Variants in KCNN2 observed in about 807,000 individuals in gnomAD.
KCNN2 encodes the protein potassium calcium-activated channel subfamily N member 2, also known as small conductance calcium-activated potassium channel protein 2.
In KCNN2, 24 loss-of-function variants were observed where a neutral mutation model predicts 55.5. The ratio of observed to expected loss-of-function variants is 0.43; its 90% CI spans 0.31 to 0.61. KCNN2 has a LOEUF of 0.61. Among genes scored for constraint, KCNN2 ranks in the 20% least tolerant of loss-of-function variants. The pLI is 0.08. For synonymous variants in KCNN2, 431 were observed against 336.1 expected, an observed-to-expected ratio of 1.28 and a Z score of -3.09; for missense variants, 754 against 853.6, an observed-to-expected ratio of 0.88 and a Z score of 1.45.
At position 114,189,101 on chromosome 5, in the gene KCNN2, T is replaced by C. The variant is rs896809867; in HGVS notation, c.-270-32379T>C. Among the ~76,000 whole-genome samples, 4 of 151,948 alleles carry C rather than the reference T, an allele frequency of 2.6e-5. No individual in the cohort carries two copies. The East Asian group carries it at 5.8e-4, about 22-fold the overall frequency. On this transcript the variant is annotated intron_variant, in intron 1 of 10. Coordinates refer to the KCNN2 transcript ENST00000512097. Reference sequence around the variant, plus strand: ...TAGAAAAACATATACTAATAACGGCTGTACTAGGTTCTTCAGAGAAATAGA... The same window carrying C: ...TAGAAAAACATATACTAATAACGGCCGTACTAGGTTCTTCAGAGAAATAGA...
At chr5:114,171,300 A>C (rs1753028193) in intron 1 of KCNN2, among the ~76,000 whole-genome samples, 1 of 152,004 alleles carries the variant, frequency 6.6e-6, no homozygotes, top group African/African-American at 2.4e-5. Flanking sequence ...TCTCTTAAAT[A>C]TGACACATAC....
chr5:114,419,714 T>A (rs993695348), intron 3 of KCNN2, among the ~76,000 whole-genome samples: 4 of 152,226 alleles, frequency 2.6e-5, no homozygotes, highest in African/African-American at 9.6e-5. Flanking sequence ...CTTATTGGCC[T>A]GTGCAGTGGC....
intron 2 of KCNN2, among the ~76,000 whole-genome samples, chr5:114,388,847 C>T (rs1337918670): frequency 6.6e-6 from 1 of 152,026 alleles, no homozygotes; most frequent in Non-Finnish European, 1.5e-5. Context: ...AGGAATATTT[C>T]TAAAATTTAG....
chr5:114,189,828 T>C (rs1435255432), intron 1 of KCNN2, among the ~76,000 whole-genome samples: 3 of 152,094 alleles, frequency 2.0e-5, no homozygotes, highest in Non-Finnish European at 2.9e-5. Flanking sequence ...GTGATAAAAA[T>C]AGCATTGCCA....
chr5:114,311,310 G>A (rs1402123601), intron 2 of KCNN2, among the ~76,000 whole-genome samples: 1 of 152,078 alleles, frequency 6.6e-6, no homozygotes, highest in Middle Eastern at 3.2e-3. Flanking sequence ...TTGTGTTGAT[G>A]AAGCTACTCT....
chr5:114,151,001 A>G (rs886502648), intron 1 of KCNN2, among the ~76,000 whole-genome samples: 1 of 152,204 alleles, frequency 6.6e-6, no homozygotes, highest in African/African-American at 2.4e-5. Context: ...AGCCTGGGCA[A>G]CAAGAGTGAA....
intron 3 of KCNN2, among the ~76,000 whole-genome samples, chr5:114,406,136 A>AC (rs956672143): frequency 1.3e-5 from 2 of 148,582 alleles, no homozygotes; most frequent in East Asian, 2.0e-4. Flanking sequence ...AACCCTGACC[A>AC]CCCCCCAGCC....
chr5:114,251,823 T>C (rs1292319184), intron 2 of KCNN2, among the ~76,000 whole-genome samples: 1 of 151,918 alleles, frequency 6.6e-6, no homozygotes, highest in Non-Finnish European at 1.5e-5. Context: ...TAGAATAATA[T>C]TGTAATATAG....
At chr5:114,337,452 AT>A (rs1300214519) in intron 2 of KCNN2, among the ~76,000 whole-genome samples, 1 of 152,222 alleles carries the variant, frequency 6.6e-6, no homozygotes, top group African/African-American at 2.4e-5. Context: ...ACAGTACAAC[AT>A]TTTGACATAT....
chr5:114,142,047 G>A (rs1752293473), intron 1 of KCNN2, among the ~76,000 whole-genome samples: 2 of 152,264 alleles, frequency 1.3e-5, no homozygotes, highest in South Asian at 4.1e-4. Flanking sequence ...TGTCAGATGA[G>A]TAGATTGCAA....
At position 114,362,390 on chromosome 5, in the gene KCNN2, A is replaced by G; in HGVS notation, c.251A>G (p.Asp84Gly). The G allele has an allele frequency of 4.6e-6, 1 of 218,424 alleles. No homozygotes were observed. The highest frequency in any genetic ancestry group is 9.0e-6 in the Non-Finnish European group (1 of 111,638). 13.5% of individuals were successfully genotyped at this position (218,424 alleles called of 1,614,324 possible). A position where few individuals can be genotyped will look rare whatever the true frequency, so the allele number is the denominator to read the frequency against. Reference sequence around the variant, plus strand: ...GGTGCCCCGGCGGCGGGGGCGGGAGATAACCTGTCCCTGCTGCTCCGCACC... The same window carrying G: ...GGTGCCCCGGCGGCGGGGGCGGGAGGTAACCTGTCCCTGCTGCTCCGCACC... ...SSGAPAAGAG[D>G]NLSLLLRTSS... Residue 84 changes from aspartate to glycine, a missense_variant, in exon 1 of 8, where the codon GAT becomes GGT. Transcript: ENST00000673685.
chr5:114,212,555 T>A (rs982241663), intron 1 of KCNN2, among the ~76,000 whole-genome samples: 3 of 152,000 alleles, frequency 2.0e-5, no homozygotes, highest in Non-Finnish European at 4.4e-5. Flanking sequence ...TTATAAAAAG[T>A]TTTTAATAAA....
chr5:114,365,500 T>C (rs947238342), intron 2 of KCNN2, among the ~76,000 whole-genome samples: 1 of 152,066 alleles, frequency 6.6e-6, no homozygotes, highest in Non-Finnish European at 1.5e-5. Flanking sequence ...ACAAAATAGG[T>C]TTAATGGTCC....
At chr5:114,413,785 A>G (rs1336594574) in intron 3 of KCNN2, among the ~76,000 whole-genome samples, 2 of 152,320 alleles carry the variant, frequency 1.3e-5, no homozygotes, top group East Asian at 3.9e-4. Flanking sequence ...CCAGTTCATT[A>G]TGGTCCTCCT....
chr5:114,098,942 C>A (rs577293003), intron 1 of KCNN2, among the ~76,000 whole-genome samples: 6 of 152,198 alleles, frequency 3.9e-5, no homozygotes, highest in Non-Finnish European at 8.8e-5. Flanking sequence ...TACTCCACAT[C>A]CTTGAGAGAA....
At chr5:114,238,444 G>A (rs1472728235) in intron 2 of KCNN2, among the ~76,000 whole-genome samples, 1 of 152,000 alleles carries the variant, frequency 6.6e-6, no homozygotes, top group Admixed American at 6.6e-5. Context: ...TGGCCAACAT[G>A]GTGAAACCCC....
At chr5:114,465,351 G>A (rs1016412696) in intron 4 of KCNN2, among the ~76,000 whole-genome samples, 3 of 152,036 alleles carry the variant, frequency 2.0e-5, no homozygotes, top group Non-Finnish European at 2.9e-5. Flanking sequence ...TGTGTCCCAC[G>A]CCTGTAATCC....
At chr5:114,416,483 C>T (rs932731101) in intron 3 of KCNN2, among the ~76,000 whole-genome samples, 2 of 152,116 alleles carry the variant, frequency 1.3e-5, no homozygotes, top group African/African-American at 4.8e-5. Context: ...GCTGCTTGAC[C>T]AAATGATCAC....
chr5:114,185,671 C>T (rs763184944), intron 1 of KCNN2, among the ~76,000 whole-genome samples: 7 of 152,206 alleles, frequency 4.6e-5, no homozygotes, highest in Non-Finnish European at 1.0e-4. Context: ...GACAAGAACC[C>T]CGTCTTTAGC....
Sources: allele counts gnomAD v4.1 joint callset (sites outside exome capture counted in the v4.1 genomes callset), GRCh38; gene constraint gnomAD v4.1.1; transcripts MANE v1.5; gene names NCBI Gene and HGNC (gene_info 2026-07-23, HGNC 2026-07-21).